Variants in BMX observed in about 807,000 individuals in gnomAD.
The protein encoded by BMX is cytoplasmic tyrosine-protein kinase BMX.
In BMX, 31 loss-of-function variants were observed where a neutral mutation model predicts 59.2. The ratio of observed to expected loss-of-function variants is 0.52; its 90% CI spans 0.39 to 0.71. The LOEUF (loss-of-function observed/expected upper bound fraction) is 0.71. BMX is among the 30% of genes least tolerant of loss of function. BMX has a pLI of 0.00. For missense variants in BMX, 474 were observed against 491.7 expected (o/e 0.96, Z 0.34); for synonymous variants, 185 against 181.0 (o/e 1.02, Z -0.18).
Position 15,516,129 on chromosome X carries a change from C to A in BMX, c.343C>A (p.His115Asn), listed in dbSNP as rs372642389. ...CTCCTCAGAGATAAGGGGTAACCCC[C>A]ACCTGCTGGTCAAGTACCATAGTGG... is the stretch of plus-strand genomic sequence containing the variant. ...ALQKEIRGNPHLLVKYHSGFF... is the reference protein window; with the variant it reads ...ALQKEIRGNPNLLVKYHSGFF... The change falls in exon 5 of 19, where the codon CAC becomes AAC. Residue 115 changes from histidine to asparagine, a missense_variant. Transcript: ENST00000348343. The A allele has an allele frequency of 4.1e-6, 5 of 1,209,589 alleles. No individual in the cohort carries two copies. The highest frequency in any genetic ancestry group is 5.6e-6 in the Non-Finnish European group (5 of 894,540).
At chrX:15,545,107 G>A (rs1925884998) in intron 16 of BMX, among the ~76,000 whole-genome samples, 1 of 111,723 alleles carries the variant, frequency 9.0e-6, no homozygotes, top group Admixed American at 9.5e-5. Context: ...TAGCATTAGT[G>A]TAGAAAGTAA....
intron 9 of BMX, 21 bp from the exon 10 acceptor site, chrX:15,529,952 A>G: frequency 1.7e-6 from 2 of 1,194,775 alleles, no homozygotes; most frequent in Non-Finnish European, 2.3e-6. Flanking sequence ...ATTCTCACAT[A>G]TAATTTTTTT....
intron 1 of BMX, among the ~76,000 whole-genome samples, chrX:15,506,061 C>CA (rs1275880120): frequency 9.1e-6 from 1 of 110,310 alleles, no homozygotes; most frequent in African/African-American, 3.3e-5. Context: ...GCTAATTTGT[C>CA]AAAAAAATTT....
intron 5 of BMX, 79 bp downstream of exon 5, chrX:15,516,310 A>G: frequency 8.9e-7 from 1 of 1,128,792 alleles, no homozygotes; most frequent in East Asian, 3.0e-5. Flanking sequence ...AGGCCAGAAG[A>G]GCTTGCCAGA....
At position 15,522,347 on chromosome X, in the gene BMX, T is replaced by C; in HGVS notation, c.512T>C (p.Leu171Pro). 9 of 1,210,636 alleles carry C rather than the reference T, an allele frequency of 7.4e-6. No individual in the cohort carries two copies. Among genetic ancestry groups the C allele is most frequent in the Non-Finnish European group, 8.9e-6 (8 of 894,971 alleles). The part of the protein sequence containing the change: ...HRVPTFPDRV[L>P]KIPRAVPVLK... ...ATTAAAATTTCTTCCCCTCCAAAGC[T>C]GAAGATACCTCGGGCAGTTCCTGTT... Residue 171 changes from leucine to proline, a missense_variant and splice_region_variant, in exon 7 of 19, where the codon CTG becomes CCG. Physicochemically the swap from Leu to Pro is moderately conservative, Grantham distance 98. Transcript: ENST00000348343.
intron 4 of BMX, among the ~76,000 whole-genome samples, chrX:15,514,514 G>A (rs1242950827): frequency 2.7e-5 from 3 of 111,193 alleles, no homozygotes; most frequent in Non-Finnish European, 5.7e-5. Context: ...TAACTCTCCT[G>A]GGATCAACAT....
At chrX:15,549,546 T>C (rs1264159831) in intron 17 of BMX, among the ~76,000 whole-genome samples, 1 of 111,691 alleles carries the variant, frequency 9.0e-6, no homozygotes, top group African/African-American at 3.3e-5. Context: ...GCAAGAATTG[T>C]GTCTTGGCCC....
chrX:15,550,793 C>T (rs1926162154), intron 18 of BMX, among the ~76,000 whole-genome samples: 1 of 109,921 alleles, frequency 9.1e-6, no homozygotes, highest in Non-Finnish European at 1.9e-5. Flanking sequence ...CTTTCAATGG[C>T]AAAAAACGTG....
At position 15,500,924 on chromosome X, in the gene BMX, C is replaced by T. The variant is rs1014693723; in HGVS notation, c.-26C>T. ...GCACCGCGGCGGACCCAGGCAAGCA[C>T]GGAACAAGCTGAGACGGTGCGTTTA... On this transcript the variant is annotated 5_prime_UTR_variant, in exon 1 of 19. It adds an upstream start codon to the 5' untranslated region. Coordinates refer to ENST00000348343, the MANE Select transcript of BMX (RefSeq NM_203281.3). The T allele has an allele frequency of 3.7e-5, 28 of 752,591 alleles. No individual in the cohort carries two copies. The highest frequency in any genetic ancestry group is 4.6e-5 in the African/African-American group (2 of 43,192). The allele number at this position is 752,591 out of a possible 1,213,427, so 62.0% of individuals were successfully genotyped here. A position where few individuals can be genotyped will look rare whatever the true frequency, so the allele number is the denominator to read the frequency against.
chrX:15,509,767 A>G (rs1923882006), intron 3 of BMX, among the ~76,000 whole-genome samples: 1 of 111,392 alleles, frequency 9.0e-6, no homozygotes, highest in African/African-American at 3.3e-5. Context: ...CCCCTACCCC[A>G]AGGCATTTAC....
At chrX:15,535,818 T>C (rs1290925130) in intron 12 of BMX, among the ~76,000 whole-genome samples, 1 of 111,780 alleles carries the variant, frequency 8.9e-6, no homozygotes, top group Non-Finnish European at 1.9e-5. Flanking sequence ...GCAAAAAACA[T>C]ATATACATAT....
chrX:15,528,242 T>C (rs1353119597), intron 9 of BMX, among the ~76,000 whole-genome samples: 1 of 112,377 alleles, frequency 8.9e-6, no homozygotes, highest in East Asian at 2.8e-4. Context: ...TGCTCCCAGC[T>C]TCCTATTCTA....
chrX:15,522,408 A>T lies in BMX; in HGVS notation c.573A>T (p.Leu191=). The T allele has an allele frequency of 8.3e-7, 1 of 1,212,031 alleles. No individual in the cohort carries two copies. Among genetic ancestry groups the T allele is most frequent in the South Asian group, 1.8e-5 (1 of 57,033 alleles). ...KMDAPSSSTT[L]AQYDNESKKN... ...ATGCACCATCTTCAAGTACCACTCT[A>T]GCCCAATATGACAACGAATCAAAGA... The change falls in exon 7 of 19, where the codon CTA becomes CTT. Residue 191 remains leucine (L), a synonymous_variant. Transcript: ENST00000348343.
chrX:15,506,789 C>A (rs1200141875), intron 1 of BMX, among the ~76,000 whole-genome samples: 1 of 112,010 alleles, frequency 8.9e-6, no homozygotes, highest in Non-Finnish European at 1.9e-5. Flanking sequence ...GCAAATAGTA[C>A]CCATTGTACT....
intron 15 of BMX, 132 bp downstream of exon 15, chrX:15,542,330 G>A: frequency 1.8e-6 from 1 of 550,467 alleles, no homozygotes; most frequent in Non-Finnish European, 3.0e-6. Flanking sequence ...ACTTGTTTAA[G>A]CAAATGACAT....
intron 1 of BMX, among the ~76,000 whole-genome samples, chrX:15,502,930 C>T (rs940022589): frequency 4.5e-5 from 5 of 111,519 alleles, no homozygotes; most frequent in African/African-American, 1.3e-4. Context: ...CTTTCTTTCC[C>T]ACCCTTCCTG....
intron 1 of BMX, among the ~76,000 whole-genome samples, chrX:15,502,234 C>T (rs1923595139): frequency 9.0e-6 from 1 of 111,687 alleles, no homozygotes; most frequent in East Asian, 2.8e-4. Context: ...CAGCTCGGTG[C>T]TTTCACTTGC....
intron 1 of BMX, among the ~76,000 whole-genome samples, chrX:15,507,112 T>C (rs1923770052): frequency 8.9e-6 from 1 of 112,877 alleles, no homozygotes; most frequent in African/African-American, 3.2e-5. Flanking sequence ...TAGTCTCCCT[T>C]TCATTTCACT....
chrX:15,536,289 A>G, intron 12 of BMX, 64 bp from the exon 13 acceptor site: 2 of 1,095,029 alleles, frequency 1.8e-6, no homozygotes, highest in Non-Finnish European at 2.5e-6. Flanking sequence ...TTGTGAACCA[A>G]TGTTACATAA....
Sources: gnomAD v4.1 joint callset for allele counts (sites outside exome capture counted in the v4.1 genomes callset) on GRCh38, gnomAD v4.1.1 for gene constraint, MANE v1.5 for transcripts, NCBI Gene and HGNC (gene_info 2026-07-23, HGNC 2026-07-21) for gene names.